The following PARPBP variants were observed in gnomAD, a reference collection of about 807,000 sequenced individuals.
PARPBP encodes the protein PCNA-interacting partner.
A neutral mutation model predicts 50.0 loss-of-function variants in PARPBP; 52 were observed. The ratio of observed to expected loss-of-function variants is 1.04; its 90% CI spans 0.83 to 1.31. The LOEUF (loss-of-function observed/expected upper bound fraction) is 1.31, where lower values mean the gene tolerates loss of function less well. Ranked by LOEUF, PARPBP falls within the 50% of genes most tolerant of loss-of-function variation. The probability of loss-of-function intolerance (pLI) is 0.00; values close to 1 mark genes in which losing one functional copy is unlikely to be tolerated. For synonymous variants in PARPBP, 244 were observed against 232.1 expected, an observed-to-expected ratio of 1.05 and a Z score of -0.47; for missense variants, 697 against 672.0, an observed-to-expected ratio of 1.04 and a Z score of -0.41.
At chr12:102,189,385 T>C (rs1438562532) in intron 9 of PARPBP, among the ~76,000 whole-genome samples, 3 of 152,246 alleles carry the variant, frequency 2.0e-5, no homozygotes, top group African/African-American at 7.2e-5. Context: ...GGAAATGATC[T>C]GTGTTTGTAC....
intron 2 of PARPBP, among the ~76,000 whole-genome samples, chr12:102,137,652 C>T (rs1268470012): frequency 2.6e-5 from 4 of 152,004 alleles, no homozygotes; most frequent in South Asian, 2.1e-4. Flanking sequence ...TATCCCTCCC[C>T]GCTCCCCCCA....
chr12:102,173,802 T>C (rs1220860960), intron 6 of PARPBP, among the ~76,000 whole-genome samples: 1 of 150,882 alleles, frequency 6.6e-6, no homozygotes, highest in Non-Finnish European at 1.5e-5. Flanking sequence ...GCTTGCTTAC[T>C]ATGCACAGCT....
chr12:102,131,475 A>G (rs1221900458), intron 2 of PARPBP, among the ~76,000 whole-genome samples: 6 of 152,204 alleles, frequency 3.9e-5, no homozygotes, highest in Non-Finnish European at 7.3e-5. Context: ...TTGACCCAGC[A>G]ATCCCATTAT....
In PARPBP at chr12:102,197,045, T is replaced by C; in HGVS notation, c.*754T>C. 6.2e-7 allele frequency: 1 copy of C among 1,612,264 alleles called. No individual in the cohort carries two copies. The highest frequency in any genetic ancestry group is 8.5e-7 in the Non-Finnish European group (1 of 1,178,742). On this transcript the variant is annotated 3_prime_UTR_variant, in exon 11 of 11. Coordinates refer to ENST00000327680, the MANE Select transcript of PARPBP (RefSeq NM_017915.5). ...TCCCCAATTTCTCTCTTTTCTTGTGTTGATTCAGTATTCTGAACTCCATTC... is the reference window on the plus strand; with the variant it reads ...TCCCCAATTTCTCTCTTTTCTTGTGCTGATTCAGTATTCTGAACTCCATTC...
intron 6 of PARPBP, among the ~76,000 whole-genome samples, chr12:102,169,214 C>A (rs1325447704): frequency 6.6e-6 from 1 of 152,132 alleles, no homozygotes; most frequent in African/African-American, 2.4e-5. Flanking sequence ...CAAATTTAGT[C>A]ATTTCCTATT....
chr12:102,149,108 C>A (rs1314600392), intron 3 of PARPBP: 1 of 151,864 alleles, frequency 6.6e-6, no homozygotes, highest in Non-Finnish European at 1.5e-5. Flanking sequence ...GTTATTTGAA[C>A]ATTTACTGAG....
In PARPBP at chr12:102,165,711, G is replaced by C. The variant is rs749503286; in HGVS notation, c.667-18G>C. 6.3e-7 allele frequency: 1 copy of C among 1,581,984 alleles called. No homozygotes were observed. On this transcript the variant is annotated intron_variant, in intron 5 of 10. Transcript: ENST00000327680. ...ATAAATCACTGGACATAACTTATCC[G>C]TTTGTTTTAATTCATAGGTGGCCAC...
At chr12:102,137,754 G>A (rs907039363) in intron 2 of PARPBP, among the ~76,000 whole-genome samples, 4 of 151,784 alleles carry the variant, frequency 2.6e-5, no homozygotes, top group Non-Finnish European at 5.9e-5. Context: ...ATCATGCAGC[G>A]TTTGGTTTTC....
rs779749143 is a variant in PARPBP, at chr12:102,153,842, A to G, written c.388-27A>G. 1.7e-5 allele frequency: 20 copies of G among 1,192,044 alleles called. No homozygotes were observed. The Admixed American group carries it at 3.2e-4, about 19-fold the overall frequency. The allele number at this position is 1,192,044 out of a possible 1,614,324, so 73.8% of individuals were successfully genotyped here. ...TTTTTTATAGTCAGCATAGCATTTTATTAGTAATACTCTATGTTTTCTACA... is the reference window on the plus strand; with the variant it reads ...TTTTTTATAGTCAGCATAGCATTTTGTTAGTAATACTCTATGTTTTCTACA... On this transcript the variant is annotated intron_variant, in intron 3 of 10. Transcript: ENST00000327680.
chr12:102,167,157 C>G (rs1006789894), intron 6 of PARPBP, among the ~76,000 whole-genome samples: 1 of 152,104 alleles, frequency 6.6e-6, no homozygotes, highest in South Asian at 2.1e-4. Flanking sequence ...CCTCGTGAAA[C>G]AGTCTCTGCC....
At chr12:102,156,176 CTTTTTTTTTTTTTT>C (rs869213784) in intron 4 of PARPBP, among the ~76,000 whole-genome samples, 3 of 66,176 alleles carry the variant, frequency 4.5e-5, no homozygotes, top group South Asian at 5.3e-4. Flanking sequence ...ATTAACCTTC[CTTTTTTTTTTTTTT>C]TTTTTTTTTT....
chr12:102,153,077 T>C (rs1432400522), intron 3 of PARPBP, among the ~76,000 whole-genome samples: 1 of 152,214 alleles, frequency 6.6e-6, no homozygotes, highest in Non-Finnish European at 1.5e-5. Flanking sequence ...AGCACCGTTA[T>C]TGTAGGTTGG....
At chr12:102,141,845 C>A (rs957873845) in intron 2 of PARPBP, among the ~76,000 whole-genome samples, 4 of 152,106 alleles carry the variant, frequency 2.6e-5, no homozygotes, top group African/African-American at 7.2e-5. Flanking sequence ...GCGTTTCTGC[C>A]GAGAGATCTG....
chr12:102,191,630 C>T (rs1429599598), intron 9 of PARPBP, among the ~76,000 whole-genome samples: 1 of 152,068 alleles, frequency 6.6e-6, no homozygotes, highest in African/African-American at 2.4e-5. Flanking sequence ...GTCAGGCTTT[C>T]CTATGTGAAG....
At position 102,197,288 on chromosome 12, in the gene PARPBP, T is replaced by C. The variant is rs1891397377; in HGVS notation, c.*997T>C. 1 of 954,878 alleles carries C rather than the reference T, an allele frequency of 1.0e-6. No individual in the cohort carries two copies. Among genetic ancestry groups the C allele is most frequent in the Non-Finnish European group, 1.5e-6 (1 of 651,006 alleles). The allele number at this position is 954,878 out of a possible 1,614,324, so 59.2% of individuals were successfully genotyped here. A position where few individuals can be genotyped will look rare whatever the true frequency, so the allele number is the denominator to read the frequency against. ...GTTACTCTGCACTGTTTTTGACTTT[T>C]TAAAAATACCTTAGATGCAAATTTA... On this transcript the variant is annotated 3_prime_UTR_variant, in exon 11 of 11. Transcript: ENST00000327680.
chr12:102,170,818 T>G (rs747594580), intron 6 of PARPBP, among the ~76,000 whole-genome samples: 10 of 152,104 alleles, frequency 6.6e-5, no homozygotes, highest in Non-Finnish European at 1.5e-4. Flanking sequence ...TAGTAACACT[T>G]AGCTTAAAAC....
rs543740530 is a variant in PARPBP at position 102,196,737 on chromosome 12, C to T, written c.*446C>T. ...AAGAAAGTTTAAATTGTTTAAAGGA[C>T]TATAATTATCACACAAAATTTATTA... On this transcript the variant is annotated 3_prime_UTR_variant, in exon 11 of 11. Transcript: ENST00000327680. The T allele has an allele frequency of 2.7e-5, 40 of 1,483,142 alleles. No individual in the cohort carries two copies. The East Asian group carries it at 3.8e-4, about 14-fold the overall frequency. The allele number at this position is 1,483,142 out of a possible 1,614,324, so 91.9% of individuals were successfully genotyped here.
At chr12:102,161,664 T>TAC (rs1175640906) in intron 4 of PARPBP, among the ~76,000 whole-genome samples, 1 of 152,118 alleles carries the variant, frequency 6.6e-6, no homozygotes, top group Non-Finnish European at 1.5e-5. Context: ...CTCATGCCTG[T>TAC]AATCCCAGCA....
intron 6 of PARPBP, among the ~76,000 whole-genome samples, chr12:102,169,867 C>G (rs1391565560): frequency 1.3e-5 from 2 of 152,192 alleles, no homozygotes; most frequent in Non-Finnish European, 2.9e-5. Context: ...CTCACTCTGA[C>G]CTCTTTATCC....
Sources: allele counts gnomAD v4.1 joint callset (sites outside exome capture counted in the v4.1 genomes callset), GRCh38; gene constraint gnomAD v4.1.1; transcripts MANE v1.5; gene names NCBI Gene and HGNC (gene_info 2026-07-23, HGNC 2026-07-21).